The following KMT2A variants were observed in gnomAD, a reference collection of about 807,000 sequenced individuals.
KMT2A encodes the protein histone-lysine N-methyltransferase 2A.
In KMT2A, 16 loss-of-function variants were observed where a neutral mutation model predicts 345.3. The ratio of observed to expected loss-of-function variants is 0.05; its 90% CI spans 0.03 to 0.07. The LOEUF (loss-of-function observed/expected upper bound fraction) is 0.07. KMT2A is among the 10% of genes least tolerant of loss of function. The pLI is 1.00. For missense variants in KMT2A, 3,272 were observed against 4,841.6 expected (o/e 0.68, Z 9.62); for synonymous variants, 1,599 against 1,778.6 (o/e 0.90, Z 2.54).
At chr11:118,482,376 G>A (rs552668217) in intron 7 of KMT2A, 46 bp from the exon 8 acceptor site, 2 of 1,295,750 alleles carry the variant, frequency 1.5e-6, no homozygotes, top group African/African-American at 3.0e-5. Flanking sequence ...CAGTACTAAA[G>A]TAGTCGTTGC....
intron 1 of KMT2A, among the ~76,000 whole-genome samples, chr11:118,467,400 A>G (rs562132138): frequency 1.3e-5 from 2 of 152,220 alleles, no homozygotes; most frequent in African/African-American, 2.4e-5. Context: ...AAATTATAAT[A>G]CTTTTTCAGA....
chr11:118,437,675 T>TCCCCCCCC (rs145193113), intron 1 of KMT2A, among the ~76,000 whole-genome samples: 2 of 143,998 alleles, frequency 1.4e-5, no homozygotes, highest in African/African-American at 2.6e-5. Context: ...AGCAGTCTCT[T>TCCCCCCCC]CCCCCCCCCG....
At chr11:118,478,980 G>A (rs1156762265) in intron 5 of KMT2A, among the ~76,000 whole-genome samples, 1 of 151,986 alleles carries the variant, frequency 6.6e-6, no homozygotes, top group Non-Finnish European at 1.5e-5. Context: ...TACATAGTAG[G>A]TATATATATT....
In KMT2A at chr11:118,498,560, A is replaced by C. The variant is rs1591275208; in HGVS notation, c.5961+32A>C. Reference sequence around the variant, plus strand: ...GAGCTTTAGTTGCTTTAAAAAAAAAAAAAAAGACTTTTTTAGAGCAGTTTT... The same window carrying C: ...GAGCTTTAGTTGCTTTAAAAAAAAACAAAAAGACTTTTTTAGAGCAGTTTT... On this transcript the variant is annotated intron_variant, in intron 22 of 35. Coordinates refer to ENST00000534358, the MANE Select transcript of KMT2A (RefSeq NM_001197104.2). The surrounding 1 kb of genome is among the most constrained non-coding windows in gnomAD (Gnocchi z 4.4). 2.6e-6 allele frequency: 4 copies of C among 1,567,548 alleles called. No individual in the cohort carries two copies. The highest frequency in any genetic ancestry group is 3.4e-6 in the Non-Finnish European group (4 of 1,164,488).
At position 118,506,457 on chromosome 11, in the gene KMT2A, C is replaced by G; in HGVS notation, c.10565C>G (p.Pro3522Arg). Reference sequence around the variant, plus strand: ...TCTCCTGGGGGTTCTCCATCCTCTCCATCTTCTGGACAGCGGTCAGCAAGC... The same window carrying G: ...TCTCCTGGGGGTTCTCCATCCTCTCGATCTTCTGGACAGCGGTCAGCAAGC... Reference protein sequence around the residue: ...PTSPGGSPSSPSSGQRSASPS... With the variant: ...PTSPGGSPSSRSSGQRSASPS... Residue 3522 changes from proline to arginine, a missense_variant, in exon 27 of 36, where the codon CCA becomes CGA. Around this residue, in one of 27 missense-constraint regions of KMT2A, gnomAD observed 748 missense variants for 922.2 expected, o/e 0.81. Transcript: ENST00000534358. 1.9e-6 allele frequency: 3 copies of G among 1,614,210 alleles called. No individual in the cohort carries two copies. Among genetic ancestry groups the G allele is most frequent in the South Asian group, 1.1e-5 (1 of 91,080 alleles).
At chr11:118,458,864 T>C (rs975896768) in intron 1 of KMT2A, among the ~76,000 whole-genome samples, 2 of 152,222 alleles carry the variant, frequency 1.3e-5, no homozygotes, top group East Asian at 3.8e-4. Flanking sequence ...TCTTCAACTT[T>C]AGTTGTTCTC....
In KMT2A at chr11:118,447,852, C is replaced by T. The variant is rs193039912; in HGVS notation, c.432+10908C>T. The T allele has an allele frequency of 3.8e-3, 929 of 246,680 alleles. 35 individuals carry two copies. The highest frequency in any genetic ancestry group is 0.037 in the South Asian group (880 of 23,872). The allele number at this position is 246,680 out of a possible 1,614,324, so 15.3% of individuals were successfully genotyped here. ...AGAATAAGAGAAAATAGGTTTAAAC[C>T]GAAATCAGGAGTAGTTGTGTAAAGA... On this transcript the variant is annotated intron_variant, in intron 1 of 35. Transcript: ENST00000534358.
intron 31 of KMT2A, among the ~76,000 whole-genome samples, chr11:118,514,566 G>A (rs1234887339): frequency 1.3e-5 from 2 of 151,258 alleles, no homozygotes; most frequent in Non-Finnish European, 3.0e-5. Context: ...TCAGCCTCCT[G>A]AGTAGCTGGG....
At chr11:118,460,769 T>A (rs1949730817) in intron 1 of KMT2A, among the ~76,000 whole-genome samples, 1 of 152,208 alleles carries the variant, frequency 6.6e-6, no homozygotes. Flanking sequence ...TGGTCTCCAG[T>A]GATCCTTCTG....
chr11:118,485,382 C>G (rs1213525221), intron 10 of KMT2A, among the ~76,000 whole-genome samples: 1 of 151,826 alleles, frequency 6.6e-6, no homozygotes, highest in African/African-American at 2.4e-5. Context: ...AAAAAATAGG[C>G]AAAAGACAGA....
chr11:118,477,930 G>C, intron 4 of KMT2A, 37 bp from the exon 5 acceptor site: 1 of 1,523,364 alleles, frequency 6.6e-7, no homozygotes, highest in Non-Finnish European at 9.1e-7. Context: ...TTTGAATTCA[G>C]TACTCCCTTG....
At chr11:118,439,439 A>G (rs1555139644) in intron 1 of KMT2A, among the ~76,000 whole-genome samples, 3 of 152,200 alleles carry the variant, frequency 2.0e-5, no homozygotes, top group Non-Finnish European at 4.4e-5. Context: ...GACAGCTTCC[A>G]ATCATAGTTT....
In KMT2A at chr11:118,484,936, G is replaced by A; in HGVS notation, c.4293G>A (p.Arg1431=). 1 of 1,613,704 alleles carries A rather than the reference G, an allele frequency of 6.2e-7. No homozygotes were observed. The highest frequency in any genetic ancestry group is 1.7e-5 in the Admixed American group (1 of 59,972). Residue 1431 remains arginine (R), a synonymous_variant, in exon 10 of 36, where the codon AGG becomes AGA. Coordinates refer to ENST00000534358, the MANE Select transcript of KMT2A (RefSeq NM_001197104.2). This position sits in a 1 kb window ranked among gnomAD's most constrained non-coding sequence, Gnocchi z 4.1. ...GILTSVPITP[R]VVCFLCASSG... is the part of the protein sequence containing the mutation. ...TGACTTCTGTTCCTATAACACCCAG[G>A]GTGGTTTGCTTTCTCTGTGCCAGTA...
At chr11:118,437,016 G>T (rs986372013) in intron 1 of KMT2A, 72 bp downstream of exon 1, 8 of 1,351,910 alleles carry the variant, frequency 5.9e-6, no homozygotes, top group Non-Finnish European at 7.7e-6. Flanking sequence ...CCCCATCCGG[G>T]ATTGAGGAGC....
In KMT2A at chr11:118,506,067, G is replaced by T; in HGVS notation, c.10175G>T (p.Ser3392Ile). The change falls in exon 27 of 36, where the codon AGC (serine) becomes ATC (isoleucine). Residue 3392 changes from serine (S) to isoleucine (I), a missense_variant. By Grantham distance (142) the Ser-to-Ile change is moderately radical. Around this residue, in one of 27 missense-constraint regions of KMT2A, gnomAD observed 748 missense variants for 922.2 expected, o/e 0.81. Transcript: ENST00000534358. ...CTTTTAATCAAAGCTAGCCAGCAGAGCCTGGGGATTCAGGACCAGCCTGTG... is the reference window on the plus strand; with the variant it reads ...CTTTTAATCAAAGCTAGCCAGCAGATCCTGGGGATTCAGGACCAGCCTGTG... Reference protein sequence around the residue: ...SNLLIKASQQSLGIQDQPVAL... With the variant: ...SNLLIKASQQILGIQDQPVAL... The T allele has an allele frequency of 6.2e-7, 1 of 1,614,182 alleles. No individual in the cohort carries two copies. The highest frequency in any genetic ancestry group is 8.5e-7 in the Non-Finnish European group (1 of 1,180,038).
chr11:118,484,352 C>T lies in KMT2A; in HGVS notation c.4218+38C>T, dbSNP rs782285342. The T allele has an allele frequency of 1.6e-5, 25 of 1,599,090 alleles. No individual in the cohort carries two copies. Among genetic ancestry groups the T allele is most frequent in the Admixed American group, 3.4e-5 (2 of 58,188 alleles). On this transcript the variant is annotated intron_variant, in intron 9 of 35. Transcript: ENST00000534358. The surrounding 1 kb of genome is among the most constrained non-coding windows in gnomAD (Gnocchi z 4.1). ...AGTGATCATAAAGTATATTGAGTGT[C>T]AAAGACTTTAAATAAAGAAAATGCT...
At chr11:118,464,836 G>T (rs1415172778) in intron 1 of KMT2A, among the ~76,000 whole-genome samples, 1 of 152,190 alleles carries the variant, frequency 6.6e-6, no homozygotes, top group East Asian at 1.9e-4. Context: ...CAGTTTTTTG[G>T]GGATGCTCAA....
Position 118,472,396 on chromosome 11 carries a change from G to A in KMT2A, c.1237G>A (p.Val413Ile), listed in dbSNP as rs2134260847. ...AAATATTCGACAGTTCATCATGCCT[G>A]TTGTCAGTGCTATCTCCTCGCGGAT... ...VKNIRQFIMPVVSAISSRIIK... is the reference protein window; with the variant it reads ...VKNIRQFIMPIVSAISSRIIK... Residue 413 changes from valine to isoleucine, a missense_variant, in exon 3 of 36, where the codon GTT becomes ATT. Coordinates refer to ENST00000534358, the MANE Select transcript of KMT2A (RefSeq NM_001197104.2). 6.2e-7 allele frequency: 1 copy of A among 1,614,050 alleles called. No individual in the cohort carries two copies. The highest frequency in any genetic ancestry group is 8.5e-7 in the Non-Finnish European group (1 of 1,180,004).
intron 1 of KMT2A, among the ~76,000 whole-genome samples, chr11:118,452,778 C>T (rs530504213): frequency 3.9e-5 from 6 of 152,136 alleles, no homozygotes; most frequent in East Asian, 3.9e-4. Context: ...GGATTACAGG[C>T]GCCCACCACC....
Sources: gnomAD v4.1 joint callset for allele counts (sites outside exome capture counted in the v4.1 genomes callset) on GRCh38, gnomAD v4.1.1 for gene constraint, gnomAD v4.1.1 regional missense constraint, Gnocchi (gnomAD v3.1) non-coding constraint, MANE v1.5 for transcripts, NCBI Gene and HGNC (gene_info 2026-07-23, HGNC 2026-07-21) for gene names.